The following CRYBA4 variants were observed in gnomAD, a reference collection of about 807,000 sequenced individuals.
The protein encoded by CRYBA4 is beta-crystallin A4.
In CRYBA4, 30 loss-of-function variants were observed where a neutral mutation model predicts 31.7. The ratio of observed to expected loss-of-function variants is 0.95; its 90% CI spans 0.71 to 1.28. The LOEUF (loss-of-function observed/expected upper bound fraction) is 1.28, where lower values mean the gene tolerates loss of function less well. CRYBA4 is among the 50% of genes most tolerant of loss of function. The pLI is 0.00. For synonymous variants in CRYBA4, 102 were observed against 102.3 expected, an observed-to-expected ratio of 1.00 and a Z score of 0.02; for missense variants, 225 against 260.7, an observed-to-expected ratio of 0.86 and a Z score of 0.94.
At chr22:26,598,841 A>G in the CRYBA4 span, among the ~76,000 whole-genome samples, 3 of 152,222 alleles carry the variant, frequency 2.0e-5, no homozygotes, top group African/African-American at 7.2e-5. Context: ...AGTGCAAAAA[A>G]TCCTGAGGGG....
the CRYBA4 span, among the ~76,000 whole-genome samples, chr22:26,602,187 A>G: frequency 2.2e-4 from 34 of 152,252 alleles, no homozygotes; most frequent in South Asian, 6.8e-3. Flanking sequence ...CATAAGGAAA[A>G]TGGGATGACA....
At chr22:26,629,816 A>T (rs145853535) in intron 5 of CRYBA4, among the ~76,000 whole-genome samples, 1 of 150,802 alleles carries the variant, frequency 6.6e-6, no homozygotes, top group Non-Finnish European at 1.5e-5. Flanking sequence ...GGAAGGAGGG[A>T]GAAAGGGGAA....
chr22:26,607,019 CT>C, the CRYBA4 span, among the ~76,000 whole-genome samples: 3,630 of 111,916 alleles, frequency 0.032, 44 homozygotes, highest in East Asian at 0.08. Context: ...TATCCCTCTC[CT>C]TTTTTTTTTT....
chr22:26,621,985 C>G lies in CRYBA4; in HGVS notation c.-14C>G. On this transcript the variant is annotated splice_region_variant and 5_prime_UTR_variant, in exon 1 of 6. Transcript: ENST00000354760. ...TCTGACATGTTCCCTGGGCCTATCT[C>G]GGTAAGTCCCAGGTTTGGAGGAGGG... The G allele has an allele frequency of 1.0e-6, 1 of 986,282 alleles. No homozygotes were observed. The highest frequency in any genetic ancestry group is 1.2e-6 in the Non-Finnish European group (1 of 830,292). 61.1% of individuals were successfully genotyped at this position (986,282 alleles called of 1,614,324 possible).
At chr22:26,614,462 C>T in the CRYBA4 span, among the ~76,000 whole-genome samples, 1 of 152,080 alleles carries the variant, frequency 6.6e-6, no homozygotes, top group Non-Finnish European at 1.5e-5. Flanking sequence ...TCCCCGATAC[C>T]AGGAGACAGG....
At chr22:26,616,289 C>T in the CRYBA4 span, 2 of 1,613,974 alleles carry the variant, frequency 1.2e-6, no homozygotes, top group Admixed American at 1.7e-5. Flanking sequence ...GCCACTGTGG[C>T]CGAGGCCGAG....
chr22:26,591,078 A>G, the CRYBA4 span, among the ~76,000 whole-genome samples: 21 of 152,278 alleles, frequency 1.4e-4, no homozygotes, highest in African/African-American at 4.3e-4. Flanking sequence ...TATCTGTTTA[A>G]AATAAATTTC....
chr22:26,627,355 C>CTTTCTTT, intron 4 of CRYBA4, among the ~76,000 whole-genome samples: 1 of 36,424 alleles, frequency 2.7e-5, no homozygotes, highest in South Asian at 1.8e-3. Context: ...CTCCCTCCCT[C>CTTTCTTT]CCTCCTTTCT....
At chr22:26,601,559 C>A in the CRYBA4 span, among the ~76,000 whole-genome samples, 3 of 151,640 alleles carry the variant, frequency 2.0e-5, no homozygotes, top group Non-Finnish European at 4.4e-5. Flanking sequence ...ATGCATCCAG[C>A]CTCATCTATC....
chr22:26,610,627 G>A, the CRYBA4 span, among the ~76,000 whole-genome samples: 4 of 152,176 alleles, frequency 2.6e-5, no homozygotes, highest in Non-Finnish European at 5.9e-5. Flanking sequence ...AAATGGTCCC[G>A]GGTAGCCTCC....
At chr22:26,590,504 A>G in the CRYBA4 span, among the ~76,000 whole-genome samples, 11 of 152,230 alleles carry the variant, frequency 7.2e-5, no homozygotes, top group Non-Finnish European at 1.5e-4. Flanking sequence ...CAGAAAAAAG[A>G]AAGGGGTGGT....
upstream of CRYBA4, among the ~76,000 whole-genome samples, chr22:26,620,911 C>G (rs1468813121): frequency 6.6e-6 from 1 of 152,186 alleles, no homozygotes; most frequent in Admixed American, 6.5e-5. Context: ...TAAAAGGAAA[C>G]TGGTGTGGCC....
intron 4 of CRYBA4, among the ~76,000 whole-genome samples, chr22:26,627,398 TTC>T (rs1453979493): frequency 9.7e-5 from 9 of 92,962 alleles, no homozygotes; most frequent in African/African-American, 4.0e-4. Flanking sequence ...CTTTCTTTCT[TTC>T]TTTCTTTCTT....
the CRYBA4 span, among the ~76,000 whole-genome samples, chr22:26,604,861 G>A: frequency 2.0e-5 from 3 of 152,172 alleles, no homozygotes; most frequent in African/African-American, 4.8e-5. Context: ...AAGGTTGTTA[G>A]TCAATGGCTC....
In CRYBA4 at chr22:26,629,734, C is replaced by CAAAAAAAAAAAAAAA. The variant is rs66906132; in HGVS notation, c.444-598_444-584dup. On this transcript the variant is annotated intron_variant, in intron 5 of 5. Coordinates refer to ENST00000354760, the MANE Select transcript of CRYBA4 (RefSeq NM_001886.3). The stretch of plus-strand genomic sequence containing the variant: ...TGGGCAACAGAGTGAGACTCTGTCT[C>CAAAAAAAAAAAAAAA]AAAAAAAAAAAAAAAAAAAAAATCA... Among the ~76,000 whole-genome samples the CAAAAAAAAAAAAAAA allele has an allele frequency of 2.3e-3, 189 of 80,494 alleles. 11 individuals carry two copies. The highest frequency in any genetic ancestry group is 2.9e-3 in the African/African-American group (71 of 24,236). The allele number at this position is 80,494 out of a possible 152,430, so 52.8% of individuals were successfully genotyped here.
chr22:26,603,125 C>CA, the CRYBA4 span, among the ~76,000 whole-genome samples: 16,558 of 68,610 alleles, frequency 0.24, 1,554 homozygotes, highest in East Asian at 0.39. Flanking sequence ...GACTCCGTCT[C>CA]AAAAAAAAAA....
the CRYBA4 span, chr22:26,599,301 T>C: frequency 1.7e-6 from 1 of 605,460 alleles, no homozygotes; most frequent in South Asian, 2.1e-5. Context: ...TTGCTGCTTT[T>C]ATTATCGTTG....
In CRYBA4 at chr22:26,625,587, G is replaced by A. The variant is rs369225228; in HGVS notation, c.265G>A (p.Glu89Lys). The change falls in exon 4 of 6, where the codon GAG becomes AAG. Residue 89 changes from glutamate to lysine, a missense_variant. Physicochemically the swap from Glu to Lys is moderately conservative, Grantham distance 56. Transcript: ENST00000354760. ...GGGCGGCAACACGGCCTACCCCGCCGAGAGGCTCACCTCCTTCCGGCCTGC... is the reference window on the plus strand; with the variant it reads ...GGGCGGCAACACGGCCTACCCCGCCAAGAGGCTCACCTCCTTCCGGCCTGC... ...AWGGNTAYPA[E>K]RLTSFRPAAC... 1.9e-5 allele frequency: 31 copies of A among 1,613,864 alleles called. No individual in the cohort carries two copies. Among genetic ancestry groups the A allele is most frequent in the South Asian group, 6.6e-5 (6 of 91,080 alleles).
the CRYBA4 span, among the ~76,000 whole-genome samples, chr22:26,601,384 T>C: frequency 3.9e-5 from 6 of 152,096 alleles, no homozygotes; most frequent in Non-Finnish European, 8.8e-5. Flanking sequence ...GCCCATTGCC[T>C]AGCTGGCAAG....
Sources: allele counts gnomAD v4.1 joint callset (sites outside exome capture counted in the v4.1 genomes callset), GRCh38; gene constraint gnomAD v4.1.1; transcripts MANE v1.5; gene names NCBI Gene and HGNC (gene_info 2026-07-23, HGNC 2026-07-21).